The following RIPOR2 variants were observed in gnomAD, a reference collection of about 807,000 sequenced individuals.
RIPOR2 encodes RHO family interacting cell polarization regulator 2.
A neutral mutation model predicts 114.5 loss-of-function variants in RIPOR2; 39 were observed. The ratio of observed to expected loss-of-function variants is 0.34; its 90% CI spans 0.26 to 0.44. The LOEUF (loss-of-function observed/expected upper bound fraction) is 0.44, where lower values mean the gene tolerates loss of function less well. Among genes scored for constraint, RIPOR2 ranks in the 20% least tolerant of loss-of-function variants. RIPOR2 has a pLI of 1.00. For synonymous variants in RIPOR2, 445 were observed against 484.4 expected (o/e 0.92, Z 1.07); for missense variants, 1,007 against 1,255.1 (o/e 0.80, Z 2.99).
intron 1 of RIPOR2, among the ~76,000 whole-genome samples, chr6:24,892,784 A>G (rs923359033): frequency 6.6e-6 from 1 of 152,210 alleles, no homozygotes; most frequent in African/African-American, 2.4e-5. Context: ...GAGACGCAGG[A>G]GACATAGCAA....
At chr6:24,933,731 T>A (rs1287691187) in intron 1 of RIPOR2, among the ~76,000 whole-genome samples, 1 of 152,186 alleles carries the variant, frequency 6.6e-6, no homozygotes, top group African/African-American at 2.4e-5. Flanking sequence ...AGACCAAAGT[T>A]AGCTTGTATG....
At chr6:24,898,737 A>G (rs896121346) in intron 1 of RIPOR2, among the ~76,000 whole-genome samples, 1 of 152,180 alleles carries the variant, frequency 6.6e-6, no homozygotes, top group Non-Finnish European at 1.5e-5. Context: ...GAACTGCTGT[A>G]TTTTGTATGC....
At chr6:24,818,959 C>G (rs370454725) in intron 19 of RIPOR2, among the ~76,000 whole-genome samples, 2 of 151,992 alleles carry the variant, frequency 1.3e-5, no homozygotes, top group East Asian at 1.9e-4. Flanking sequence ...TTTCTCAGAG[C>G]TGTTTTTGAT....
At position 24,944,936 on chromosome 6, in the gene RIPOR2, G is replaced by A. The variant is rs147277127; in HGVS notation, c.77-69119C>T. Among the ~76,000 whole-genome samples, 33 of 152,216 alleles carry A rather than the reference G, an allele frequency of 2.2e-4. No individual in the cohort carries two copies. In the East Asian group the frequency reaches 3.5e-3, roughly 16 times the overall value. ...AGTTATATAGAAGAAATATGTTCTA[G>A]TGTTTGACAGTACAGTAGGGAAATT... is the stretch of plus-strand genomic sequence containing the variant. On this transcript the variant is annotated intron_variant, in intron 1 of 13. Coordinates refer to the RIPOR2 transcript ENST00000510784.
intron 1 of RIPOR2, among the ~76,000 whole-genome samples, chr6:24,901,847 C>T (rs1401606949): frequency 1.3e-5 from 2 of 152,150 alleles, no homozygotes; most frequent in East Asian, 3.9e-4. Context: ...CTAATCCATT[C>T]GTTTGGTTTC....
intron 4 of RIPOR2, among the ~76,000 whole-genome samples, chr6:24,872,097 T>A (rs1290708937): frequency 6.6e-6 from 1 of 152,234 alleles, no homozygotes; most frequent in Non-Finnish European, 1.5e-5. Context: ...TGAGTTTTCT[T>A]GGGCTGATTT....
intron 1 of RIPOR2, among the ~76,000 whole-genome samples, chr6:24,899,156 G>A (rs947675110): frequency 4.6e-5 from 7 of 151,814 alleles, no homozygotes; most frequent in African/African-American, 1.5e-4. Context: ...GAAGGTTCAG[G>A]GACAATGTGG....
At chr6:24,915,128 T>C (rs1769968743) in intron 1 of RIPOR2, among the ~76,000 whole-genome samples, 1 of 152,308 alleles carries the variant, frequency 6.6e-6, no homozygotes, top group Admixed American at 6.5e-5. Context: ...ATGCTTCTTA[T>C]CCATAGGAAC....
chr6:24,896,981 A>G (rs1403966327), intron 1 of RIPOR2, among the ~76,000 whole-genome samples: 1 of 152,220 alleles, frequency 6.6e-6, no homozygotes, highest in African/African-American at 2.4e-5. Context: ...ACCAGAAGGA[A>G]TGATTTTTAA....
chr6:24,913,852 T>C (rs1032081887), intron 1 of RIPOR2, among the ~76,000 whole-genome samples: 3 of 152,186 alleles, frequency 2.0e-5, no homozygotes, highest in Non-Finnish European at 4.4e-5. Flanking sequence ...TGGGTCCTTT[T>C]AACCTCATCC....
intron 1 of RIPOR2, among the ~76,000 whole-genome samples, chr6:24,934,054 C>T (rs115929635): frequency 2.6e-5 from 4 of 152,128 alleles, no homozygotes; most frequent in Admixed American, 2.0e-4. Flanking sequence ...TCTTAAGTAT[C>T]ATAGCCAGAT....
chr6:24,828,206 AC>A lies in RIPOR2; in HGVS notation c.2595del (p.Gln865HisfsTer18). 1 of 1,551,388 alleles carries A rather than the reference AC, an allele frequency of 6.4e-7. No individual in the cohort carries two copies. The highest frequency in any genetic ancestry group is 8.7e-7 in the Non-Finnish European group (1 of 1,146,788). ...CCGTGGCTGGTGAAGTAACTGTAAT[AC>A]TGGAAAACAGTGACGACTTCCGAGG... ...SLSSEVVTVF[Q>X]YYSYFTSHGV... On this transcript the variant is annotated frameshift_variant, in exon 18 of 22. Coordinates refer to ENST00000643898, the MANE Select transcript of RIPOR2 (RefSeq NM_001286445.3). LOFTEE classifies it high-confidence loss of function.
intron 13 of RIPOR2, chr6:24,839,662 G>T (rs1365347683): frequency 1.3e-6 from 2 of 1,534,064 alleles, no homozygotes; most frequent in Non-Finnish European, 1.8e-6. Context: ...ACAAAACCAT[G>T]TCAACCACAA....
In RIPOR2 at chr6:25,039,348, A is replaced by G. The variant is rs368977619; in HGVS notation, c.76+2503T>C. On this transcript the variant is annotated intron_variant, in intron 1 of 13. Coordinates refer to the RIPOR2 transcript ENST00000510784. ...GGTCTTTTGTGAGTTGGAAAATGCA[A>G]CCCTCCAAAAATGTCACTTGATCCT... Among the ~76,000 whole-genome samples the G allele has an allele frequency of 1.4e-4, 21 of 152,168 alleles. No individual in the cohort carries two copies. The East Asian group carries it at 3.9e-3, about 28-fold the overall frequency.
Position 24,848,112 on chromosome 6 carries a change from C to G in RIPOR2, c.1077G>C (p.Gly359=), listed in dbSNP as rs1279512550. 2 of 1,613,690 alleles carry G rather than the reference C, an allele frequency of 1.2e-6. No individual in the cohort carries two copies. Among genetic ancestry groups the G allele is most frequent in the Non-Finnish European group, 1.7e-6 (2 of 1,179,836 alleles). The change falls in exon 12 of 22, where the codon GGG becomes GGC. Residue 359 remains glycine, a synonymous_variant. Coordinates refer to ENST00000643898, the MANE Select transcript of RIPOR2 (RefSeq NM_001286445.3). ...VEDMTASSGA[G]NKAAALQRRM... is the part of the protein sequence containing the mutation. ...TCCTCTGAAGGGCTGCTGCCTTGTT[C>G]CCAGCGCCTGAGGATGCGGTCATGT...
At chr6:24,840,160 A>G (rs1008526785) in intron 13 of RIPOR2, 145 of 859,636 alleles carry the variant, frequency 1.7e-4, no homozygotes, top group Non-Finnish European at 2.0e-4. Flanking sequence ...TATGTTGACC[A>G]TACCGGTCTT....
chr6:24,805,694 T>C lies in RIPOR2; in HGVS notation c.*679A>G, dbSNP rs1475137245. Reference sequence around the variant, plus strand: ...CGACCGAGAAAAACTGCAAGGCATATGATGTTTGTCGAAGTATCACATGAC... The same window carrying C: ...CGACCGAGAAAAACTGCAAGGCATACGATGTTTGTCGAAGTATCACATGAC... On this transcript the variant is annotated 3_prime_UTR_variant, in exon 22 of 22. Coordinates refer to ENST00000643898, the MANE Select transcript of RIPOR2 (RefSeq NM_001286445.3). The C allele has an allele frequency of 6.6e-6, 1 of 152,174 alleles. No individual in the cohort carries two copies. Among genetic ancestry groups the C allele is most frequent in the African/African-American group, 2.4e-5 (1 of 41,438 alleles). The allele number at this position is 152,174 out of a possible 1,614,324, so 9.4% of individuals were successfully genotyped here.
At chr6:25,023,567 AT>A in intron 1 of RIPOR2, 1 of 771,676 alleles carries the variant, frequency 1.3e-6, no homozygotes. Flanking sequence ...GCCTTGTTTG[AT>A]TTTGCACACC....
At chr6:24,932,302 G>A (rs1405092089) in intron 1 of RIPOR2, among the ~76,000 whole-genome samples, 2 of 148,636 alleles carry the variant, frequency 1.3e-5, no homozygotes, top group Non-Finnish European at 3.0e-5. Flanking sequence ...TGTTAGGAAA[G>A]CAAACTTAAG....
Sources: allele counts gnomAD v4.1 joint callset (sites outside exome capture counted in the v4.1 genomes callset), GRCh38; gene constraint gnomAD v4.1.1; transcripts MANE v1.5; gene names NCBI Gene and HGNC (gene_info 2026-07-23, HGNC 2026-07-21).